The following IQSEC1 variants were observed in gnomAD, a reference collection of about 807,000 sequenced individuals.
The protein encoded by IQSEC1 is IQ motif and SEC7 domain-containing protein 1.
A neutral mutation model predicts 91.0 loss-of-function variants in IQSEC1; 31 were observed. The ratio of observed to expected loss-of-function variants is 0.34; its 90% confidence interval spans 0.26 to 0.46. The LOEUF is 0.46. Ranked by LOEUF, IQSEC1 falls within the 20% of genes least tolerant of loss-of-function variation. The pLI, the probability that IQSEC1 is intolerant of heterozygous loss-of-function variation, is 1.00. For synonymous variants in IQSEC1, 699 were observed against 662.6 expected (o/e 1.05, Z -0.84); for missense variants, 1,388 against 1,575.6 (o/e 0.88, Z 2.02).
intron 2 of IQSEC1, among the ~76,000 whole-genome samples, chr3:13,098,651 T>G (rs1162613072): frequency 6.6e-6 from 1 of 151,904 alleles, no homozygotes; most frequent in Non-Finnish European, 1.5e-5. Context: ...TAGGGGAAAA[T>G]GGATGGCTAA....
intron 2 of IQSEC1, among the ~76,000 whole-genome samples, chr3:13,134,240 G>C (rs1441694667): frequency 6.6e-6 from 1 of 152,234 alleles, no homozygotes; most frequent in Non-Finnish European, 1.5e-5. Flanking sequence ...ATATGCAGGG[G>C]CTGCAGGGCG....
Position 13,103,263 on chromosome 3 carries a change from A to G in IQSEC1, c.303-55741T>C, listed in dbSNP as rs1483726638. On this transcript the variant is annotated intron_variant, in intron 2 of 15. Transcript: ENST00000648114. The surrounding 1 kb of genome is among the most constrained non-coding windows in gnomAD (Gnocchi z 4.1). ...ATATCATCAGCTTCCCATTAAGCAG[A>G]TCAATAGCTTCCACTGGTTTCCAAT... 5.3e-5 allele frequency among the ~76,000 whole-genome samples: 8 copies of G among 152,170 alleles called. No homozygotes were observed. The East Asian group carries it at 1.6e-3, about 30-fold the overall frequency.
intron 1 of IQSEC1, among the ~76,000 whole-genome samples, chr3:13,276,415 C>T (rs1283117806): frequency 6.6e-6 from 1 of 152,178 alleles, no homozygotes; most frequent in East Asian, 1.9e-4. Context: ...GATGCCCTGG[C>T]TATTCCTCCC....
At chr3:13,278,750 C>T (rs547686237) in intron 1 of IQSEC1, among the ~76,000 whole-genome samples, 5 of 148,996 alleles carry the variant, frequency 3.4e-5, no homozygotes, top group East Asian at 2.0e-4. Context: ...ACCTGGGAGG[C>T]GGAACTTTCA....
intron 1 of IQSEC1, among the ~76,000 whole-genome samples, chr3:12,958,083 T>C (rs929897732): frequency 6.6e-6 from 1 of 152,176 alleles, no homozygotes; most frequent in African/African-American, 2.4e-5. Flanking sequence ...CCTCCCTGCC[T>C]GTCATGTTCT....
intron 1 of IQSEC1, chr3:13,022,593 G>A (rs1266850173): frequency 2.9e-6 from 1 of 346,618 alleles, no homozygotes; most frequent in Non-Finnish European, 4.1e-6. Context: ...TCAGAGAGAG[G>A]GAGGCGGGCG....
At chr3:13,144,992 G>C (rs1706864383) in intron 2 of IQSEC1, among the ~76,000 whole-genome samples, 3 of 152,220 alleles carry the variant, frequency 2.0e-5, no homozygotes, top group Non-Finnish European at 4.4e-5. Context: ...GCAGCGGCCA[G>C]TCCCGGGAGT....
intron 1 of IQSEC1, among the ~76,000 whole-genome samples, chr3:12,986,784 G>A (rs566406467): frequency 5.3e-5 from 8 of 152,330 alleles, no homozygotes; most frequent in South Asian, 4.1e-4. Flanking sequence ...GTGCCTGTGC[G>A]CATATGTGAG....
At position 13,202,837 on chromosome 3, in the gene IQSEC1, G is replaced by A. The variant is rs904485212; in HGVS notation, c.273-38704C>T. On this transcript the variant is annotated intron_variant, in intron 1 of 15. Coordinates refer to the IQSEC1 transcript ENST00000648114. ...AAAGCCTGTGCTGGACCCCTACTGTGAGGGCTGGAAAGAGTCATATCACAC... is the reference window on the plus strand; with the variant it reads ...AAAGCCTGTGCTGGACCCCTACTGTAAGGGCTGGAAAGAGTCATATCACAC... 1.4e-4 allele frequency among the ~76,000 whole-genome samples: 21 copies of A among 152,330 alleles called. 1 individual carries two copies. Among genetic ancestry groups the A allele is most frequent in the Middle Eastern group, 3.4e-3 (1 of 294 alleles).
chr3:13,244,055 A>G (rs1695067768), intron 1 of IQSEC1, among the ~76,000 whole-genome samples: 1 of 150,886 alleles, frequency 6.6e-6, no homozygotes, highest in African/African-American at 2.5e-5. Context: ...CATTTCAGGC[A>G]GAGGGGTGGC....
At chr3:13,016,370 C>T (rs13084063) in intron 1 of IQSEC1, among the ~76,000 whole-genome samples, 21,367 of 152,316 alleles carry the variant, frequency 0.14, 1,970 homozygotes, top group Middle Eastern at 0.21. Flanking sequence ...GCCGCCACAT[C>T]TCAACCGGCC....
rs1157711379 is a variant in IQSEC1 at position 12,909,885 on chromosome 3, A to G, written c.2417-451T>C. ...TGCCTGGTGCCACCTCCGGGCTCTC[A>G]GGGTCCCTGGGGCTTTGGTCTCCTG... On this transcript the variant is annotated intron_variant, in intron 10 of 13. Transcript: ENST00000613206. The surrounding 1 kb of genome is among the most constrained non-coding windows in gnomAD (Gnocchi z 4.9). Among the ~76,000 whole-genome samples, 1 of 152,176 alleles carries G rather than the reference A, an allele frequency of 6.6e-6. No individual in the cohort carries two copies. The highest frequency in any genetic ancestry group is 2.4e-5 in the African/African-American group (1 of 41,438).
intron 2 of IQSEC1, among the ~76,000 whole-genome samples, chr3:13,157,568 GCA>G (rs559841479): frequency 9.3e-4 from 142 of 152,300 alleles, no homozygotes; most frequent in African/African-American, 3.2e-3. Context: ...TCAGGATACA[GCA>G]CAGAGTCAAG....
At chr3:13,155,035 G>C (rs1345762149) in intron 2 of IQSEC1, among the ~76,000 whole-genome samples, 1 of 152,038 alleles carries the variant, frequency 6.6e-6, no homozygotes, top group African/African-American at 2.4e-5. Flanking sequence ...TAAAAAGGAA[G>C]ATCTTAAATC....
chr3:13,197,794 A>G (rs1322716884), intron 1 of IQSEC1, among the ~76,000 whole-genome samples: 1 of 152,234 alleles, frequency 6.6e-6, no homozygotes, highest in Non-Finnish European at 1.5e-5. Context: ...AGGCCAAGGA[A>G]GATAGTCAAG....
At chr3:12,984,904 A>C (rs1182365973) in intron 1 of IQSEC1, among the ~76,000 whole-genome samples, 2 of 134,458 alleles carry the variant, frequency 1.5e-5, no homozygotes, top group Admixed American at 1.8e-4. Context: ...GGCTCACTGC[A>C]AGCTCCGCCT....
intron 1 of IQSEC1, among the ~76,000 whole-genome samples, chr3:13,242,236 G>A (rs761418337): frequency 3.3e-5 from 5 of 152,178 alleles, no homozygotes; most frequent in East Asian, 1.9e-4. Context: ...CCAGGTCTCC[G>A]CGGCTGTGAT....
At chr3:12,911,770 G>T in intron 9 of IQSEC1, 42 bp from the exon 10 acceptor site, 1 of 1,389,196 alleles carries the variant, frequency 7.2e-7, no homozygotes, top group Non-Finnish European at 1.0e-6. Context: ...AGTGTCTCGG[G>T]GGGCACTGAC....
intron 1 of IQSEC1, among the ~76,000 whole-genome samples, chr3:13,191,300 TG>T (rs555909651): frequency 4.1e-4 from 63 of 152,294 alleles, no homozygotes; most frequent in African/African-American, 1.4e-3. Flanking sequence ...TCTCCAGAGC[TG>T]GGCACAGGCT....
Sources: allele counts gnomAD v4.1 joint callset (sites outside exome capture counted in the v4.1 genomes callset), GRCh38; gene constraint gnomAD v4.1.1; non-coding constraint Gnocchi (gnomAD v3.1); transcripts MANE v1.5; gene names NCBI Gene and HGNC (gene_info 2026-07-23, HGNC 2026-07-21).